Variants in MED24 observed in about 807,000 individuals in gnomAD.
MED24 encodes the protein mediator complex subunit 24, also known as mediator of RNA polymerase II transcription subunit 24.
In MED24, 74 loss-of-function variants were observed where a neutral mutation model predicts 118.8. The ratio of observed to expected loss-of-function variants is 0.62; its 90% CI spans 0.52 to 0.76. MED24 has a LOEUF of 0.76. MED24 is among the 30% of genes least tolerant of loss of function. MED24 has a pLI of 0.00. For synonymous variants in MED24, 521 were observed against 523.9 expected, an observed-to-expected ratio of 0.99 and a Z score of 0.08; for missense variants, 1,041 against 1,278.9, an observed-to-expected ratio of 0.81 and a Z score of 2.84.
chr17:40,045,457 CAA>C (rs35418289), intron 3 of MED24, among the ~76,000 whole-genome samples: 32 of 97,940 alleles, frequency 3.3e-4, no homozygotes, highest in Admixed American at 5.5e-4. Context: ...GACTTCATCT[CAA>C]AAAAAAAAAA....
rs148797154 is a variant in MED24, at chr17:40,026,716, G to T, written c.1740C>A (p.Ser580Arg). ...GGATTTCCAAGATGGCGGCTGAGATGCTGAGACAGGCCTCATGCCACTTCA... is the reference window on the plus strand; with the variant it reads ...GGATTTCCAAGATGGCGGCTGAGATTCTGAGACAGGCCTCATGCCACTTCA... ...VQMKWHEACLSISAAILEILN... is the reference protein window; with the variant it reads ...VQMKWHEACLRISAAILEILN... The change falls in exon 18 of 26, where the codon AGC (serine) becomes AGA (arginine). Residue 580 changes from serine to arginine, a missense_variant. Ser to Arg is a moderately radical substitution (Grantham distance 110). Around this residue, in one of 3 missense-constraint regions of MED24, gnomAD observed 587 missense variants for 694.4 expected, o/e 0.85. Coordinates refer to ENST00000394128, the MANE Select transcript of MED24 (RefSeq NM_014815.4). The T allele has an allele frequency of 1.6e-5, 26 of 1,612,518 alleles. No homozygotes were observed. In the East Asian group the frequency reaches 5.8e-4, roughly 36 times the overall value.
In MED24 at chr17:40,022,391, T is replaced by C. The variant is rs1475422716; in HGVS notation, c.2523+3A>G. ...AGCCGGCGAGGGCAGCTGGGGGGCC[T>C]ACCTCAATGTCTTCGCGGTGTCTCT... On this transcript the variant is annotated splice_donor_region_variant and intron_variant, in intron 22 of 25. Coordinates refer to ENST00000394128, the MANE Select transcript of MED24 (RefSeq NM_014815.4). 3 of 1,605,864 alleles carry C rather than the reference T, an allele frequency of 1.9e-6. No homozygotes were observed. The highest frequency in any genetic ancestry group is 2.6e-6 in the Non-Finnish European group (3 of 1,176,360).
chr17:40,043,877 C>T (rs1003695276), intron 3 of MED24, among the ~76,000 whole-genome samples: 8 of 96,468 alleles, frequency 8.3e-5, no homozygotes, highest in East Asian at 5.2e-4. Flanking sequence ...GGCAGAAGAG[C>T]GAGACTCCAT....
intron 18 of MED24, 108 bp from the exon 19 acceptor site, chr17:40,026,439 C>A: frequency 7.4e-7 from 1 of 1,359,432 alleles, no homozygotes. Flanking sequence ...GAGTCCCGGG[C>A]CACATTCCAC....
intron 13 of MED24, 78 bp downstream of exon 13, chr17:40,029,670 G>A: frequency 1.4e-6 from 2 of 1,391,976 alleles, no homozygotes. Context: ...TGTGGCCTCT[G>A]TTTATTTATC....
rs776010467 is a variant in MED24 at position 40,028,840 on chromosome 17, G to A, written c.1395C>T (p.Ala465=). 6 of 1,613,804 alleles carry A rather than the reference G, an allele frequency of 3.7e-6. No individual in the cohort carries two copies. In the African/African-American group the frequency reaches 6.7e-5, roughly 18 times the overall value. ...GCCTTCCTCACTTGATGAATTTCCG[G>A]GCGAAGGATTTCAGCTTTCCAGTGG... ...AAATGKLKSF[A]RKFINLNEFT... The change falls in exon 14 of 26, where the codon GCC becomes GCT. Residue 465 remains alanine, a synonymous_variant. Transcript: ENST00000394128.
chr17:40,049,989 A>G (rs544270513), intron 3 of MED24, among the ~76,000 whole-genome samples: 1 of 150,342 alleles, frequency 6.7e-6, no homozygotes, highest in Non-Finnish European at 1.5e-5. Context: ...GTCTCTACTA[A>G]AAATACAAAA....
intron 4 of MED24, 125 bp downstream of exon 4, chr17:40,035,991 G>A: frequency 8.2e-7 from 1 of 1,222,002 alleles, no homozygotes; most frequent in Non-Finnish European, 1.2e-6. Context: ...TGGAAGTCCA[G>A]CAATGCCAGC....
intron 3 of MED24, among the ~76,000 whole-genome samples, chr17:40,037,591 G>T (rs1288062970): frequency 6.6e-6 from 1 of 152,128 alleles, no homozygotes; most frequent in Admixed American, 6.6e-5. Context: ...GCCCCATATG[G>T]TTATTTAAAT....
At chr17:40,031,471 C>T (rs1285825535) in intron 11 of MED24, 67 bp downstream of exon 11, 2 of 1,476,684 alleles carry the variant, frequency 1.4e-6, no homozygotes, top group Non-Finnish European at 1.9e-6. Flanking sequence ...GCTTCTCTGG[C>T]ACAGAGATCA....
chr17:40,026,534 C>A (rs1982670488), intron 18 of MED24, 113 bp downstream of exon 18: 2 of 1,192,790 alleles, frequency 1.7e-6, no homozygotes, highest in African/African-American at 1.5e-5. Flanking sequence ...ATATCAATAT[C>A]AAAACATGAG....
intron 10 of MED24, 114 bp downstream of exon 10, chr17:40,031,929 C>T (rs1983435018): frequency 3.3e-6 from 4 of 1,220,750 alleles, no homozygotes; most frequent in Non-Finnish European, 4.7e-6. Flanking sequence ...CTGAGGTGTA[C>T]ACTCACATCC....
intron 15 of MED24, 48 bp from the exon 16 acceptor site, chr17:40,027,513 G>T (rs755770470): frequency 6.4e-7 from 1 of 1,551,512 alleles, no homozygotes; most frequent in Non-Finnish European, 8.8e-7. Context: ...GCAGGGGGGA[G>T]CCCGTGTCTG....
chr17:40,044,531 A>G (rs1443927281), intron 3 of MED24, among the ~76,000 whole-genome samples: 1 of 149,948 alleles, frequency 6.7e-6, no homozygotes, highest in East Asian at 1.9e-4. Flanking sequence ...AAAAAAAAAG[A>G]AAGAAAAGAA....
chr17:40,035,689 T>C lies in MED24; in HGVS notation c.326+33A>G, dbSNP rs370734369. The C allele has an allele frequency of 1.2e-4, 188 of 1,600,826 alleles. 2 individuals are homozygous for C. The South Asian group carries it at 1.5e-3, about 13-fold the overall frequency. On this transcript the variant is annotated intron_variant, in intron 5 of 25. Transcript: ENST00000394128. Reference sequence around the variant, plus strand: ...TCTGCACAAAGACAAGGCTGGAACATTGTATTGTGAGCCCCCTTACCCCTG... The same window carrying C: ...TCTGCACAAAGACAAGGCTGGAACACTGTATTGTGAGCCCCCTTACCCCTG...
At chr17:40,048,817 A>G (rs1985516178) in intron 3 of MED24, among the ~76,000 whole-genome samples, 1 of 152,072 alleles carries the variant, frequency 6.6e-6, no homozygotes, top group African/African-American at 2.4e-5. Context: ...AGCCTCCCAA[A>G]GTGCTGGGAT....
At chr17:40,023,495 A>ACG (rs915507792) in intron 19 of MED24, 100 bp from the exon 20 acceptor site, 3 of 1,247,180 alleles carry the variant, frequency 2.4e-6, no homozygotes, top group African/African-American at 3.0e-5. Flanking sequence ...GACTTAGGTT[A>ACG]CGGAAATCTC....
rs376190138 is a variant in MED24 at position 40,033,498 on chromosome 17, G to A, written c.560-42C>T. The A allele has an allele frequency of 4.7e-6, 7 of 1,501,230 alleles. No individual in the cohort carries two copies. The highest frequency in any genetic ancestry group is 2.0e-5 in the Admixed American group (1 of 51,092). The allele number at this position is 1,501,230 out of a possible 1,614,324, so 93.0% of individuals were successfully genotyped here. A position where few individuals can be genotyped will look rare whatever the true frequency, so the allele number is the denominator to read the frequency against. Reference sequence around the variant, plus strand: ...AGTACAGAAACATGATGGGAAACAGGAGAGAAGGAGCACCTGGCCCTGAAC... The same window carrying A: ...AGTACAGAAACATGATGGGAAACAGAAGAGAAGGAGCACCTGGCCCTGAAC... On this transcript the variant is annotated intron_variant, in intron 6 of 25. Transcript: ENST00000394128. This position sits in a 1 kb window ranked among gnomAD's most constrained non-coding sequence, Gnocchi z 5.2.
At chr17:40,051,341 C>T (rs1985823143) in intron 3 of MED24, among the ~76,000 whole-genome samples, 1 of 151,684 alleles carries the variant, frequency 6.6e-6, no homozygotes, top group Admixed American at 6.6e-5. Flanking sequence ...GGCGGCCGGG[C>T]ACAGTGGCTC....
Sources: gnomAD v4.1 joint callset for allele counts (sites outside exome capture counted in the v4.1 genomes callset) on GRCh38, gnomAD v4.1.1 for gene constraint, gnomAD v4.1.1 regional missense constraint, Gnocchi (gnomAD v3.1) non-coding constraint, MANE v1.5 for transcripts, NCBI Gene and HGNC (gene_info 2026-07-23, HGNC 2026-07-21) for gene names.